The following PCM1 variants were observed in gnomAD, a reference collection of about 807,000 sequenced individuals.
PCM1 encodes the protein pericentriolar material 1 protein.
PCM1 carries 157 observed loss-of-function variants against 241.9 expected under a neutral mutation model. The ratio of observed to expected loss-of-function variants is 0.65; its 90% CI spans 0.57 to 0.74. PCM1 has a LOEUF of 0.74. Ranked by LOEUF, PCM1 falls within the 30% of genes least tolerant of loss-of-function variation. The pLI, the probability that PCM1 is intolerant of heterozygous loss-of-function variation, is 0.00. For synonymous variants in PCM1, 1,085 were observed against 784.9 expected, an observed-to-expected ratio of 1.38 and a Z score of -6.39; for missense variants, 3,478 against 2,360.1, an observed-to-expected ratio of 1.47 and a Z score of -9.81.
Position 17,955,452 on chromosome 8 carries a change from T to C in PCM1, c.1289-18T>C. 1 of 1,536,632 alleles carries C rather than the reference T, an allele frequency of 6.5e-7. No individual in the cohort carries two copies. On this transcript the variant is annotated intron_variant, in intron 9 of 38. Coordinates refer to ENST00000325083, the MANE Select transcript of PCM1 (RefSeq NM_006197.4). The stretch of plus-strand genomic sequence containing the variant: ...ACTGGTGATTAAAAAAAATTTTTTG[T>C]TGTTGTGCCTTCTTCAGCCTCTCCA...
Position 17,946,385 on chromosome 8 carries a change from C to G in PCM1, c.784-801C>G, listed in dbSNP as rs564202322. Among the ~76,000 whole-genome samples, 128 of 152,072 alleles carry G rather than the reference C, an allele frequency of 8.4e-4. 1 individual carries two copies. Among genetic ancestry groups the G allele is most frequent in the African/African-American group, 2.9e-3 (121 of 41,508 alleles). On this transcript the variant is annotated intron_variant, in intron 6 of 38. Coordinates refer to ENST00000325083, the MANE Select transcript of PCM1 (RefSeq NM_006197.4). Reference sequence around the variant, plus strand: ...TGAAAATCTTTTTACATAAGATTATCAAATAAAAAATGTATTTTTAAAATT... The same window carrying G: ...TGAAAATCTTTTTACATAAGATTATGAAATAAAAAATGTATTTTTAAAATT...
chr8:18,028,429 T>C lies in PCM1; in HGVS notation c.*767T>C, dbSNP rs985821670. 1 of 193,560 alleles carries C rather than the reference T, an allele frequency of 5.2e-6. No homozygotes were observed. The highest frequency in any genetic ancestry group is 2.3e-5 in the African/African-American group (1 of 43,110). 12.0% of individuals were successfully genotyped at this position (193,560 alleles called of 1,614,324 possible). On this transcript the variant is annotated 3_prime_UTR_variant, in exon 39 of 39. Transcript: ENST00000325083. The stretch of plus-strand genomic sequence containing the variant: ...TTAGGGAGATTTCTGCACAGAGAAG[T>C]AACATTGTGGTTAATTTTAAATGAA...
intron 1 of PCM1, among the ~76,000 whole-genome samples, chr8:17,923,933 T>C (rs1033422650): frequency 1.3e-5 from 2 of 152,132 alleles, no homozygotes; most frequent in African/African-American, 4.8e-5. Context: ...CCAGGGAGGC[T>C]GGGCGCGCCA....
intron 6 of PCM1, among the ~76,000 whole-genome samples, chr8:17,943,143 A>G (rs1586189780): frequency 6.7e-6 from 1 of 150,264 alleles, no homozygotes; most frequent in Non-Finnish European, 1.5e-5. Flanking sequence ...CTAGGACTAC[A>G]CTTTCCCATT....
At position 17,923,090 on chromosome 8, in the gene PCM1, C is replaced by G. The variant is rs966896227; in HGVS notation, c.-189C>G. The G allele has an allele frequency of 6.6e-6, 1 of 152,602 alleles. No homozygotes were observed. Among genetic ancestry groups the G allele is most frequent in the Non-Finnish European group, 1.5e-5 (1 of 68,366 alleles). 9.5% of individuals were successfully genotyped at this position (152,602 alleles called of 1,614,324 possible). ...CGAGGCAGCCAGGAAACGTGTGGGC[C>G]TCTCTGCTGCGGTCTCCGAGGGCCG... On this transcript the variant is annotated 5_prime_UTR_variant, in exon 1 of 39. Transcript: ENST00000325083.
chr8:17,937,191 T>C lies in PCM1; in HGVS notation c.154T>C (p.Phe52Leu). Residue 52 changes from phenylalanine to leucine, a missense_variant, in exon 4 of 39, where the codon TTT becomes CTT. Phe to Leu is a conservative substitution (Grantham distance 22, BLOSUM62 0). Transcript: ENST00000325083. Reference sequence around the variant, plus strand: ...ATCATCAGAAAAGAATAAGAAAAAGTTTGGTGTAGAAAGTGATAAAAGAGT... The same window carrying C: ...ATCATCAGAAAAGAATAAGAAAAAGCTTGGTGTAGAAAGTGATAAAAGAGT... ...NRSSEKNKKK[F>L]GVESDKRVTN... 6.3e-7 allele frequency: 1 copy of C among 1,595,782 alleles called. No homozygotes were observed. The highest frequency in any genetic ancestry group is 8.6e-7 in the Non-Finnish European group (1 of 1,169,482).
intron 3 of PCM1, among the ~76,000 whole-genome samples, chr8:17,936,637 T>C (rs1348490571): frequency 1.3e-5 from 2 of 152,138 alleles, no homozygotes; most frequent in African/African-American, 2.4e-5. Context: ...TTTTAGAGAT[T>C]AGGAAACTGA....
intron 2 of PCM1, among the ~76,000 whole-genome samples, chr8:17,929,900 A>C (rs1253378434): frequency 6.6e-6 from 1 of 152,220 alleles, no homozygotes; most frequent in Non-Finnish European, 1.5e-5. Context: ...AGTTACAAGA[A>C]TGTGGTCTCT....
At chr8:18,017,076 G>C (rs1343511591) in intron 36 of PCM1, among the ~76,000 whole-genome samples, 2 of 152,200 alleles carry the variant, frequency 1.3e-5, no homozygotes, top group East Asian at 1.9e-4. Context: ...GATGGCATAA[G>C]CCTCAGAAGA....
intron 9 of PCM1, among the ~76,000 whole-genome samples, chr8:17,954,413 G>C (rs1216755890): frequency 1.4e-5 from 2 of 143,182 alleles, no homozygotes; most frequent in Non-Finnish European, 3.0e-5. Flanking sequence ...GGCAACAAAA[G>C]TGAAACTCCA....
chr8:17,971,819 C>T (rs2129471983), intron 22 of PCM1, among the ~76,000 whole-genome samples: 1 of 152,342 alleles, frequency 6.6e-6, no homozygotes. Flanking sequence ...TCATAGCTCA[C>T]TGCCTCCTTG....
At chr8:17,967,379 G>A (rs1408552711) in intron 21 of PCM1, among the ~76,000 whole-genome samples, 1 of 151,400 alleles carries the variant, frequency 6.6e-6, no homozygotes, top group Non-Finnish European at 1.5e-5. Flanking sequence ...CATGATCTTG[G>A]CTCACGGCAG....
chr8:17,993,424 G>T, intron 28 of PCM1, 59 bp from the exon 29 acceptor site: 4 of 1,145,510 alleles, frequency 3.5e-6, no homozygotes, highest in South Asian at 1.6e-5. Context: ...CAACATAAAG[G>T]CATATATGTA....
chr8:17,951,974 G>T (rs2129458757), intron 8 of PCM1, among the ~76,000 whole-genome samples: 1 of 152,228 alleles, frequency 6.6e-6, no homozygotes, highest in South Asian at 2.1e-4. Flanking sequence ...TGTAATCCCA[G>T]CACTTTGGGA....
At position 18,028,088 on chromosome 8, in the gene PCM1, T is replaced by A. The variant is rs1306996297; in HGVS notation, c.*426T>A. 4.8e-6 allele frequency: 1 copy of A among 208,402 alleles called. No individual in the cohort carries two copies. Among genetic ancestry groups the A allele is most frequent in the Non-Finnish European group, 9.8e-6 (1 of 102,350 alleles). 12.9% of individuals were successfully genotyped at this position (208,402 alleles called of 1,614,324 possible). ...GTTAGTTAGAGAAATATATTATTTGTTATAAAGCCCATCCATTAGGCCAGT... is the reference window on the plus strand; with the variant it reads ...GTTAGTTAGAGAAATATATTATTTGATATAAAGCCCATCCATTAGGCCAGT... On this transcript the variant is annotated 3_prime_UTR_variant, in exon 39 of 39. Transcript: ENST00000325083.
intron 2 of PCM1, among the ~76,000 whole-genome samples, chr8:17,933,661 G>A (rs2129448143): frequency 6.6e-6 from 1 of 152,110 alleles, no homozygotes; most frequent in South Asian, 2.1e-4. Flanking sequence ...TTATATATTT[G>A]TCACTATTAT....
chr8:18,010,812 C>G lies in PCM1; in HGVS notation c.5220+144C>G, dbSNP rs947066105. On this transcript the variant is annotated intron_variant, in intron 32 of 38. Coordinates refer to ENST00000325083, the MANE Select transcript of PCM1 (RefSeq NM_006197.4). ...CCTGGCCAACATGGTGAAACCCCGT[C>G]CATACTAAAAATACAAAAATTAGCC... 50 of 583,536 alleles carry G rather than the reference C, an allele frequency of 8.6e-5. No homozygotes were observed. In the African/African-American group the frequency reaches 8.7e-4, roughly 10 times the overall value. The allele number at this position is 583,536 out of a possible 1,614,324, so 36.1% of individuals were successfully genotyped here.
At position 17,966,144 on chromosome 8, in the gene PCM1, G is replaced by A. The variant is rs964739434; in HGVS notation, c.3001G>A (p.Glu1001Lys). 7 of 1,613,762 alleles carry A rather than the reference G, an allele frequency of 4.3e-6. No homozygotes were observed. The African/African-American group carries it at 9.3e-5, about 22-fold the overall frequency. ...CGTAGAAGAGAAAGAACAATGGCAAGAACAAATCAATCAGCTAAAGAAACA... is the reference window on the plus strand; with the variant it reads ...CGTAGAAGAGAAAGAACAATGGCAAAAACAAATCAATCAGCTAAAGAAACA... The part of the protein sequence containing the change: ...SYVEEKEQWQ[E>K]QINQLKKQLD... Residue 1001 changes from glutamate (E) to lysine (K), a missense_variant, in exon 19 of 39, where the codon GAA becomes AAA. Transcript: ENST00000325083.
Position 17,957,698 on chromosome 8 carries a change from T to G in PCM1, c.1963T>G (p.Phe655Val), listed in dbSNP as rs1410547295. 2.5e-6 allele frequency: 4 copies of G among 1,613,040 alleles called. No individual in the cohort carries two copies. Among genetic ancestry groups the G allele is most frequent in the Non-Finnish European group, 3.4e-6 (4 of 1,179,486 alleles). ...LVDEHPEDAE[F>V]EQKINRLMAA... ...TGATGAGCATCCAGAAGATGCTGAA[T>G]TTGAACAGAAGATCAACCGACTTAT... The change falls in exon 13 of 39, where the codon TTT becomes GTT. Residue 655 changes from phenylalanine (F) to valine (V), a missense_variant. Transcript: ENST00000325083.
Sources: gnomAD v4.1 joint callset for allele counts (sites outside exome capture counted in the v4.1 genomes callset) on GRCh38, gnomAD v4.1.1 for gene constraint, MANE v1.5 for transcripts, NCBI Gene and HGNC (gene_info 2026-07-23, HGNC 2026-07-21) for gene names.